The following LRIG3 variants were observed in gnomAD, a reference collection of about 807,000 sequenced individuals.
LRIG3 encodes leucine rich repeats and immunoglobulin like domains 3, also known as leucine-rich repeats and immunoglobulin-like domains protein 3.
LRIG3 carries 76 observed loss-of-function variants against 114.5 expected under a neutral mutation model. That is an observed-to-expected ratio of 0.66 (90% CI 0.55 to 0.80). LRIG3 has a LOEUF of 0.80. Among genes scored for constraint, LRIG3 ranks in the 30% least tolerant of loss-of-function variants. The pLI is 0.00. For synonymous variants in LRIG3, 512 were observed against 519.8 expected (o/e 0.98, Z 0.20); for missense variants, 1,239 against 1,382.8 (o/e 0.90, Z 1.65).
chr12:58,876,913 A>G (rs1327089060), intron 15 of LRIG3, among the ~76,000 whole-genome samples: 1 of 152,216 alleles, frequency 6.6e-6, no homozygotes, highest in African/African-American at 2.4e-5. Flanking sequence ...ACAGTATCTA[A>G]GCTTTCGAAT....
In LRIG3 at chr12:58,888,373, C is replaced by G; in HGVS notation, c.903G>C (p.Arg301Ser). The G allele has an allele frequency of 1.2e-6, 2 of 1,613,856 alleles. No individual in the cohort carries two copies. The highest frequency in any genetic ancestry group is 1.7e-6 in the Non-Finnish European group (2 of 1,179,822). Reference sequence around the variant, plus strand: ...AGAACTCCCAGGCATCAGGGCTGATCCTGTTGATGGCATTTTGGCTGAGAT... The same window carrying G: ...AGAACTCCCAGGCATCAGGGCTGATGCTGTTGATGGCATTTTGGCTGAGAT... ...ELHLSQNAIN[R>S]ISPDAWEFCQ... The change falls in exon 7 of 19, where the codon AGG (arginine) becomes AGC (serine). Residue 301 changes from arginine to serine, a missense_variant. Physicochemically the swap from Arg to Ser is moderately radical, Grantham distance 110. Coordinates refer to ENST00000320743, the MANE Select transcript of LRIG3 (RefSeq NM_153377.5).
intron 18 of LRIG3, among the ~76,000 whole-genome samples, chr12:58,873,345 C>T (rs114677312): frequency 3.3e-5 from 5 of 152,274 alleles, no homozygotes; most frequent in African/African-American, 9.6e-5. Flanking sequence ...AATAATTACA[C>T]TGTGATAAAA....
At chr12:58,872,871 A>G in intron 18 of LRIG3, 55 bp from the exon 19 acceptor site, 2 of 1,563,036 alleles carry the variant, frequency 1.3e-6, no homozygotes, top group Admixed American at 2.0e-5. Context: ...ATGTGAATCA[A>G]TAAAACCCAT....
chr12:58,912,493 C>T (rs1204058223), intron 3 of LRIG3, among the ~76,000 whole-genome samples: 1 of 150,834 alleles, frequency 6.6e-6, no homozygotes, highest in East Asian at 2.0e-4. Flanking sequence ...AAGACTCTGT[C>T]TCAAAAAAAA....
intron 3 of LRIG3, among the ~76,000 whole-genome samples, chr12:58,898,879 G>T (rs11172807): frequency 0.035 from 5,337 of 151,132 alleles, 148 homozygotes; most frequent in Non-Finnish European, 0.051. Flanking sequence ...GGATGGTCTC[G>T]ATCTCCTGAC....
chr12:58,894,604 C>T (rs536573366), intron 3 of LRIG3, among the ~76,000 whole-genome samples: 220 of 152,086 alleles, frequency 1.4e-3, no homozygotes, highest in Non-Finnish European at 2.8e-3. Context: ...TCAACTCAAC[C>T]CCACCTTTCA....
At chr12:58,913,957 A>G (rs1438113393) in intron 3 of LRIG3, 25 bp downstream of exon 3, 25 of 1,595,176 alleles carry the variant, frequency 1.6e-5, no homozygotes, top group Non-Finnish European at 2.1e-5. Flanking sequence ...AACATACATG[A>G]GGAATTCTGC....
At chr12:58,878,250 C>T (rs906373067) in intron 14 of LRIG3, among the ~76,000 whole-genome samples, 2 of 151,994 alleles carry the variant, frequency 1.3e-5, no homozygotes, top group Non-Finnish European at 2.9e-5. Context: ...TTTTTAGGGC[C>T]GGATGCCTGG....
intron 1 of LRIG3, 127 bp downstream of exon 1, chr12:58,919,873 C>T (rs969554124): frequency 8.2e-6 from 8 of 978,234 alleles, no homozygotes; most frequent in African/African-American, 8.2e-5. Flanking sequence ...GCGCCGATCG[C>T]GGCCTGGGCC....
chr12:58,914,471 T>C, intron 1 of LRIG3, 135 bp from the exon 2 acceptor site: 2 of 629,756 alleles, frequency 3.2e-6, no homozygotes, highest in South Asian at 2.6e-5. Context: ...ACAAACTAGA[T>C]GGCAACCAAA....
intron 1 of LRIG3, 62 bp downstream of exon 1, chr12:58,919,938 G>C: frequency 6.9e-7 from 1 of 1,459,080 alleles, no homozygotes; most frequent in Non-Finnish European, 9.4e-7. Context: ...TTCCCCGCCG[G>C]CTCCTGTTTT....
intron 11 of LRIG3, 78 bp from the exon 12 acceptor site, chr12:58,883,110 T>C: frequency 7.1e-7 from 1 of 1,401,508 alleles, no homozygotes; most frequent in South Asian, 1.4e-5. Flanking sequence ...AAGTAAATAT[T>C]AACAAAGCAA....
At chr12:58,886,344 A>T (rs1406928053) in intron 9 of LRIG3, among the ~76,000 whole-genome samples, 4 of 151,992 alleles carry the variant, frequency 2.6e-5, no homozygotes, top group African/African-American at 4.8e-5. Flanking sequence ...ATGTAATTTG[A>T]CCATCTGCAA....
intron 3 of LRIG3, among the ~76,000 whole-genome samples, chr12:58,894,573 C>T (rs1330509199): frequency 1.3e-5 from 2 of 151,878 alleles, no homozygotes; most frequent in Non-Finnish European, 2.9e-5. Context: ...TCAAAAATAC[C>T]CACTTCTAGT....
At chr12:58,919,064 T>G (rs1872577149) in intron 1 of LRIG3, among the ~76,000 whole-genome samples, 1 of 152,236 alleles carries the variant, frequency 6.6e-6, no homozygotes, top group Non-Finnish European at 1.5e-5. Context: ...TGAAGTGCAC[T>G]TTTATTTTAA....
chr12:58,920,165 G>T lies in LRIG3; in HGVS notation c.71C>A (p.Ala24Asp). 1 of 1,539,552 alleles carries T rather than the reference G, an allele frequency of 6.5e-7. No individual in the cohort carries two copies. The highest frequency in any genetic ancestry group is 8.7e-7 in the Non-Finnish European group (1 of 1,145,760). ...GCGACCGCCGCTGTCTGACCGGCCA[G>T]CGCGCCCCAGCACCGCGCACAGCAG... ...GLLLCAVLGR[A>D]GRSDSGGRGE... The change falls in exon 1 of 19, where the codon GCT (alanine) becomes GAT (aspartate). Residue 24 changes from alanine to aspartate, a missense_variant. Coordinates refer to ENST00000320743, the MANE Select transcript of LRIG3 (RefSeq NM_153377.5).
chr12:58,907,323 A>G (rs1307082689), intron 3 of LRIG3, among the ~76,000 whole-genome samples: 2 of 152,252 alleles, frequency 1.3e-5, no homozygotes, highest in Non-Finnish European at 2.9e-5. Flanking sequence ...CCCTCAGGCT[A>G]CAAATATTGT....
chr12:58,886,904 A>C lies in LRIG3; in HGVS notation c.1092-14T>G, dbSNP rs1158883193. On this transcript the variant is annotated splice_polypyrimidine_tract_variant and intron_variant, in intron 8 of 18. Transcript: ENST00000320743. The stretch of plus-strand genomic sequence containing the variant: ...TTCTTCAGATCCCTAATTTTAAAAG[A>C]AGCATTCCCTTTAGAGTGATAAGCT... 3.7e-6 allele frequency: 6 copies of C among 1,604,760 alleles called. No individual in the cohort carries two copies. The highest frequency in any genetic ancestry group is 4.5e-5 in the East Asian group (2 of 44,810).
rs780375060 is a variant in LRIG3 at position 58,882,979 on chromosome 12, T to C, written c.1370A>G (p.Gln457Arg). ...LCDCQLKWLP[Q>R]WVAENNFQSF... is the part of the protein sequence containing the mutation. ...CTGAAAGTTGTTTTCCGCCACCCAC[T>C]GTGGGAGCCATTTTAGCTGGCAATC... Residue 457 changes from glutamine (Q) to arginine (R), a missense_variant, in exon 12 of 19, where the codon CAG (glutamine) becomes CGG (arginine). Gln to Arg is a conservative substitution (Grantham distance 43). Coordinates refer to ENST00000320743, the MANE Select transcript of LRIG3 (RefSeq NM_153377.5). 2 of 1,614,122 alleles carry C rather than the reference T, an allele frequency of 1.2e-6. No homozygotes were observed. Among genetic ancestry groups the C allele is most frequent in the Admixed American group, 1.7e-5 (1 of 60,012 alleles).
Sources: gnomAD v4.1 joint callset for allele counts (sites outside exome capture counted in the v4.1 genomes callset) on GRCh38, gnomAD v4.1.1 for gene constraint, MANE v1.5 for transcripts, NCBI Gene and HGNC (gene_info 2026-07-23, HGNC 2026-07-21) for gene names.